KIF26B: variants seen among roughly 807,000 people sequenced by gnomAD.
The protein encoded by KIF26B is kinesin-like protein KIF26B.
Under a neutral mutation model 151.2 loss-of-function variants are expected in KIF26B, and 63 were observed. The ratio of observed to expected loss-of-function variants is 0.42; its 90% CI spans 0.34 to 0.51. The LOEUF is 0.51. Ranked by LOEUF, KIF26B falls within the 20% of genes least tolerant of loss-of-function variation. The probability of loss-of-function intolerance (pLI) is 0.07; values close to 1 mark genes in which losing one functional copy is unlikely to be tolerated. For synonymous variants in KIF26B, 1,357 were observed against 1,262.1 expected, an observed-to-expected ratio of 1.08 and a Z score of -1.59; for missense variants, 2,813 against 2,913.6, an observed-to-expected ratio of 0.97 and a Z score of 0.79.
At position 245,230,468 on chromosome 1, in the gene KIF26B, C is replaced by T. The variant is rs143870586; in HGVS notation, c.465+73785C>T. ...TTGCTATAAAAAGAAAACTGCCGGG[C>T]GTGGTGGCTCACGCCTGTAATCCCA... On this transcript the variant is annotated intron_variant, in intron 2 of 14. Transcript: ENST00000407071. 4.1e-3 allele frequency among the ~76,000 whole-genome samples: 623 copies of T among 152,096 alleles called. 19 individuals are homozygous for T. In the East Asian group the frequency reaches 0.092, roughly 22 times the overall value.
At chr1:245,522,031 G>A (rs565595891) in intron 4 of KIF26B, among the ~76,000 whole-genome samples, 37 of 151,822 alleles carry the variant, frequency 2.4e-4, no homozygotes, top group East Asian at 7.7e-4. Flanking sequence ...CACCATGCCC[G>A]GCTAATTTTT....
At chr1:245,408,868 T>C (rs1026899967) in intron 3 of KIF26B, among the ~76,000 whole-genome samples, 15 of 152,168 alleles carry the variant, frequency 9.9e-5, no homozygotes, top group Admixed American at 3.9e-4. Context: ...CGATCGCAGT[T>C]GTGCCTGCTT....
chr1:245,263,459 G>T (rs754393564), intron 2 of KIF26B, among the ~76,000 whole-genome samples: 2 of 152,170 alleles, frequency 1.3e-5, no homozygotes, highest in African/African-American at 4.8e-5. Context: ...ACACGCTCTA[G>T]TGAGCAGTTT....
chr1:245,374,380 C>G (rs536788383), intron 3 of KIF26B, among the ~76,000 whole-genome samples: 6 of 151,608 alleles, frequency 4.0e-5, no homozygotes, highest in Non-Finnish European at 8.8e-5. Context: ...AGCGTGTGTT[C>G]TAGTATGGCT....
chr1:245,656,124 G>A (rs201408189), intron 10 of KIF26B, among the ~76,000 whole-genome samples: 1 of 25,218 alleles, frequency 4.0e-5, no homozygotes, highest in African/African-American at 2.2e-4. Context: ...GAATATAACA[G>A]ATGATCTGCA....
chr1:245,394,684 C>CTTTTTTT lies in KIF26B; in HGVS notation c.1000-24892_1000-24891insTTTTTTT, dbSNP rs1444711983. On this transcript the variant is annotated intron_variant, in intron 3 of 14. Coordinates refer to ENST00000407071, the MANE Select transcript of KIF26B (RefSeq NM_018012.4). The stretch of plus-strand genomic sequence containing the variant: ...TTAAAAAGTACCTTCAAGTTTTTTT[C>CTTTTTTT]TTTCTTTTTTTTTTTTTTTTTTTGA... Among the ~76,000 whole-genome samples, 232 of 124,348 alleles carry CTTTTTTT rather than the reference C, an allele frequency of 1.9e-3. 4 individuals carry two copies. The highest frequency in any genetic ancestry group is 4.2e-3 in the Middle Eastern group (1 of 240). The allele number at this position is 124,348 out of a possible 152,430, so 81.6% of individuals were successfully genotyped here.
chr1:245,339,050 T>C (rs11803765), intron 2 of KIF26B, among the ~76,000 whole-genome samples: 3,673 of 151,634 alleles, frequency 0.024, 168 homozygotes, highest in African/African-American at 0.084. Flanking sequence ...CTATCTCGGC[T>C]CACTGCCACC....
At chr1:245,372,453 T>C (rs1673150557) in intron 3 of KIF26B, among the ~76,000 whole-genome samples, 1 of 152,128 alleles carries the variant, frequency 6.6e-6, no homozygotes, top group African/African-American at 2.4e-5. Flanking sequence ...GATGTACAAA[T>C]GATTTTGTCA....
chr1:245,675,860 G>A (rs375055063), intron 10 of KIF26B, among the ~76,000 whole-genome samples: 3 of 152,154 alleles, frequency 2.0e-5, no homozygotes, highest in East Asian at 1.9e-4. Context: ...TATAATCCTA[G>A]AGAACAAAGC....
chr1:245,187,202 A>G (rs1669015447), intron 2 of KIF26B, among the ~76,000 whole-genome samples: 1 of 152,226 alleles, frequency 6.6e-6, no homozygotes, highest in South Asian at 2.1e-4. Flanking sequence ...AGAAAAGATG[A>G]TAAGATCTTT....
At chr1:245,535,456 A>G (rs1417689315) in intron 4 of KIF26B, among the ~76,000 whole-genome samples, 1 of 152,206 alleles carries the variant, frequency 6.6e-6, no homozygotes, top group Non-Finnish European at 1.5e-5. Context: ...AAGCCAACGG[A>G]GGCTTTCCTA....
chr1:245,399,151 C>A (rs577574553), intron 3 of KIF26B, among the ~76,000 whole-genome samples: 1 of 152,134 alleles, frequency 6.6e-6, no homozygotes, highest in Non-Finnish European at 1.5e-5. Flanking sequence ...GATTGCATTT[C>A]GTTGTCGTGT....
intron 2 of KIF26B, among the ~76,000 whole-genome samples, chr1:245,190,950 T>G (rs1669097426): frequency 6.7e-6 from 1 of 149,228 alleles, no homozygotes; most frequent in South Asian, 2.1e-4. Context: ...TCCCAGCTAC[T>G]CGGGAGGCTG....
chr1:245,575,921 C>A (rs2043113600), intron 5 of KIF26B, among the ~76,000 whole-genome samples: 1 of 152,128 alleles, frequency 6.6e-6, no homozygotes, highest in African/African-American at 2.4e-5. Flanking sequence ...TTACTTAAGA[C>A]ATTTCCTGAT....
In KIF26B at chr1:245,686,539, G is replaced by C. The variant is rs762395083; in HGVS notation, c.3556G>C (p.Asp1186His). 46 of 1,613,024 alleles carry C rather than the reference G, an allele frequency of 2.9e-5. No homozygotes were observed. The highest frequency in any genetic ancestry group is 3.8e-5 in the Non-Finnish European group (45 of 1,179,846). Residue 1186 changes from aspartate to histidine, a missense_variant, in exon 12 of 15, where the codon GAC becomes CAC. By Grantham distance (81) the Asp-to-His change is moderately conservative. Coordinates refer to ENST00000407071, the MANE Select transcript of KIF26B (RefSeq NM_018012.4). The surrounding 1 kb of genome is among the most constrained non-coding windows in gnomAD (Gnocchi z 5.6). ...VQQPLELNGE[D>H]ELVFTLVEEL... ...GCAGCCACTGGAGCTGAACGGTGAG[G>C]ACGAGCTGGTGTTCACGCTGGTGGA...
Position 245,364,517 on chromosome 1 carries a change from TTCAAG to T in KIF26B, c.466-2313_466-2309del, listed in dbSNP as rs138203362. ...TCTTGGCTCACCTCTGCCTCCCGTG[TTCAAG>T]TCATTCTCCTGCCTCAGCCTGCTGA... On this transcript the variant is annotated intron_variant, in intron 2 of 14. Coordinates refer to ENST00000407071, the MANE Select transcript of KIF26B (RefSeq NM_018012.4). 6.2e-3 allele frequency among the ~76,000 whole-genome samples: 943 copies of T among 150,924 alleles called. 15 individuals carry two copies. The highest frequency in any genetic ancestry group is 0.022 in the African/African-American group (890 of 40,972).
intron 5 of KIF26B, among the ~76,000 whole-genome samples, chr1:245,559,785 A>T (rs2042920953): frequency 6.6e-6 from 1 of 151,766 alleles, no homozygotes; most frequent in Admixed American, 6.6e-5. Context: ...GACTCAAGTG[A>T]TCCTCCCACC....
At chr1:245,217,370 T>A (rs895447847) in intron 2 of KIF26B, among the ~76,000 whole-genome samples, 1 of 150,920 alleles carries the variant, frequency 6.6e-6, no homozygotes, top group African/African-American at 2.4e-5. Flanking sequence ...TTAATTTTTT[T>A]TTTTTTTTTT....
At position 245,415,994 on chromosome 1, in the gene KIF26B, C is replaced by T. The variant is rs1202892178; in HGVS notation, c.1000-3585C>T. On this transcript the variant is annotated intron_variant, in intron 3 of 14. Coordinates refer to ENST00000407071, the MANE Select transcript of KIF26B (RefSeq NM_018012.4). ...AGAATTAAACAAAATAGGCCAGGCG[C>T]GGTGGCTCACGCCTGTAATCCCAGC... Among the ~76,000 whole-genome samples the T allele has an allele frequency of 6.6e-5, 10 of 151,506 alleles. No individual in the cohort carries two copies. In the South Asian group the frequency reaches 1.9e-3, roughly 28 times the overall value.
Sources: allele counts gnomAD v4.1 joint callset (sites outside exome capture counted in the v4.1 genomes callset), GRCh38; gene constraint gnomAD v4.1.1; non-coding constraint Gnocchi (gnomAD v3.1); transcripts MANE v1.5; gene names NCBI Gene and HGNC (gene_info 2026-07-23, HGNC 2026-07-21).